ASIP: variants seen among roughly 807,000 people sequenced by gnomAD.
The protein encoded by ASIP is agouti signaling protein.
A neutral mutation model predicts 10.3 loss-of-function variants in ASIP; 11 were observed. The ratio of observed to expected loss-of-function variants is 1.07; its 90% CI spans 0.68 to 1.78. The LOEUF (loss-of-function observed/expected upper bound fraction) is 1.78, where lower values mean the gene tolerates loss of function less well. ASIP is among the 40% of genes most tolerant of loss of function. The pLI, the probability that ASIP is intolerant of heterozygous loss-of-function variation, is 0.00. For synonymous variants in ASIP, 70 were observed against 70.8 expected, an observed-to-expected ratio of 0.99 and a Z score of 0.06; for missense variants, 180 against 169.2, an observed-to-expected ratio of 1.06 and a Z score of -0.35.
At chr20:34,208,375 G>A (rs1195301778) in intron 1 of ASIP, among the ~76,000 whole-genome samples, 2 of 151,982 alleles carry the variant, frequency 1.3e-5, no homozygotes, top group Non-Finnish European at 2.9e-5. Flanking sequence ...TTGTTTTTGA[G>A]ACACAGTCTC....
At chr20:34,204,648 TA>T (rs1269420533) in intron 1 of ASIP, among the ~76,000 whole-genome samples, 1 of 152,228 alleles carries the variant, frequency 6.6e-6, no homozygotes, top group Non-Finnish European at 1.5e-5. Context: ...TAATTTCAGT[TA>T]AATATGATGG....
At chr20:34,211,664 T>A (rs1231815152) in intron 1 of ASIP, among the ~76,000 whole-genome samples, 1 of 152,266 alleles carries the variant, frequency 6.6e-6, no homozygotes, top group African/African-American at 2.4e-5. Flanking sequence ...AAAATGTTTT[T>A]GCTGAATGTA....
At chr20:34,189,494 G>A in the ASIP span, among the ~76,000 whole-genome samples, 4 of 151,718 alleles carry the variant, frequency 2.6e-5, no homozygotes, top group African/African-American at 7.3e-5. Context: ...CGCCCACCTC[G>A]GCCACCCAAA....
chr20:34,220,806 C>A (rs1453392734), intron 1 of ASIP, among the ~76,000 whole-genome samples: 2 of 152,034 alleles, frequency 1.3e-5, no homozygotes, highest in African/African-American at 4.8e-5. Context: ...CATAGAAAGT[C>A]AATGACTCAT....
At chr20:34,221,678 A>C (rs1265103905) in intron 1 of ASIP, among the ~76,000 whole-genome samples, 3 of 152,244 alleles carry the variant, frequency 2.0e-5, no homozygotes, top group Non-Finnish European at 2.9e-5. Flanking sequence ...TTTTGAGCAG[A>C]AAGTAGGTGG....
chr20:34,238,688 T>C (rs966422760), upstream of ASIP, among the ~76,000 whole-genome samples: 4 of 152,170 alleles, frequency 2.6e-5, no homozygotes, highest in African/African-American at 9.6e-5. Flanking sequence ...TTCCTTTGAA[T>C]GTGCCATATT....
intron 1 of ASIP, 114 bp from the exon 2 acceptor site, chr20:34,260,251 G>C (rs780552194): frequency 7.7e-5 from 81 of 1,057,610 alleles, no homozygotes; most frequent in African/African-American, 1.7e-4. Context: ...GCTCCACCAG[G>C]ACACTTGCCT....
the ASIP span, among the ~76,000 whole-genome samples, chr20:34,188,317 A>T: frequency 6.6e-6 from 1 of 152,148 alleles, no homozygotes; most frequent in Non-Finnish European, 1.5e-5. Flanking sequence ...AAAGCTTAGA[A>T]CATGTACTGC....
intron 1 of ASIP, among the ~76,000 whole-genome samples, chr20:34,248,082 T>C (rs890164066): frequency 1.3e-5 from 2 of 152,028 alleles, no homozygotes; most frequent in African/African-American, 4.8e-5. Flanking sequence ...GATGGGCGCC[T>C]GTAATCCCAG....
chr20:34,223,490 G>A (rs1247411759), intron 1 of ASIP, among the ~76,000 whole-genome samples: 203 of 152,056 alleles, frequency 1.3e-3, no homozygotes, highest in African/African-American at 4.7e-3. Flanking sequence ...CCGTCCGGGA[G>A]GGAGGTGGGG....
At chr20:34,222,224 T>C (rs1385646454) in intron 1 of ASIP, among the ~76,000 whole-genome samples, 1 of 151,770 alleles carries the variant, frequency 6.6e-6, no homozygotes, top group Non-Finnish European at 1.5e-5. Context: ...TTACAGCTCA[T>C]AGAACCTAAA....
chr20:34,188,066 A>T, the ASIP span, among the ~76,000 whole-genome samples: 1 of 152,218 alleles, frequency 6.6e-6, no homozygotes, highest in Non-Finnish European at 1.5e-5. Flanking sequence ...TCGCACTTCC[A>T]GGGTCCTATT....
intron 1 of ASIP, among the ~76,000 whole-genome samples, chr20:34,223,761 C>T (rs1370614735): frequency 9.5e-5 from 13 of 136,906 alleles, no homozygotes; most frequent in East Asian, 2.2e-4. Flanking sequence ...ACAATGGCGG[C>T]TTTGTGGAAT....
At chr20:34,239,025 A>G (rs2035247774), upstream of ASIP, among the ~76,000 whole-genome samples, 1 of 152,142 alleles carries the variant, frequency 6.6e-6, no homozygotes, top group African/African-American at 2.4e-5. Flanking sequence ...ATCTTCCCAG[A>G]ATACTTTCCT....
upstream of ASIP, among the ~76,000 whole-genome samples, chr20:34,194,030 C>T (rs1191984456): frequency 6.6e-6 from 1 of 152,166 alleles, no homozygotes; most frequent in Non-Finnish European, 1.5e-5. Context: ...CAGATATCCC[C>T]AAGCTGCAGC....
chr20:34,257,060 C>CTCTTTTT (rs2035581815), intron 1 of ASIP, among the ~76,000 whole-genome samples: 1 of 122,368 alleles, frequency 8.2e-6, no homozygotes, highest in Non-Finnish European at 1.6e-5. Context: ...TTCTCTCTCT[C>CTCTTTTT]TTTCTTTCTC....
At chr20:34,249,189 TAGAG>T (rs2035432219) in intron 1 of ASIP, among the ~76,000 whole-genome samples, 1 of 152,010 alleles carries the variant, frequency 6.6e-6, no homozygotes. Flanking sequence ...AAGTTATCCA[TAGAG>T]AGAAAGTAAC....
chr20:34,245,840 G>GAATATATATATATTCTACAGTA (rs1242408677), intron 1 of ASIP: 3 of 765,088 alleles, frequency 3.9e-6, no homozygotes, highest in Non-Finnish European at 5.0e-6. Flanking sequence ...TTTTACTGTA[G>GAATATATATATATTCTACAGTA]AATATATATA....
intron 1 of ASIP, among the ~76,000 whole-genome samples, chr20:34,222,526 A>AT (rs1032577805): frequency 2.0e-4 from 30 of 152,142 alleles, no homozygotes; most frequent in South Asian, 4.2e-4. Context: ...TAAAATATAT[A>AT]TTTTTTTCAG....
Sources: gnomAD v4.1 joint callset for allele counts (sites outside exome capture counted in the v4.1 genomes callset) on GRCh38, gnomAD v4.1.1 for gene constraint, MANE v1.5 for transcripts, NCBI Gene and HGNC (gene_info 2026-07-23, HGNC 2026-07-21) for gene names.